Variants in LOC127898563 observed in about 807,000 individuals in gnomAD.
chr6:68,635,911 C>G, the LOC127898563 span: 1 of 152,592 alleles, frequency 6.6e-6, no homozygotes, highest in Non-Finnish European at 1.5e-5. Flanking sequence ...TGATTGGGAC[C>G]GAAGGGGAGT....
the LOC127898563 span, chr6:68,635,904 T>G: frequency 3.9e-5 from 6 of 152,546 alleles, no homozygotes; most frequent in African/African-American, 1.5e-4. Flanking sequence ...GCAACGGTGA[T>G]TGGGACCGAA....
chr6:68,635,959 G>A, the LOC127898563 span: 1 of 152,742 alleles, frequency 6.5e-6, no homozygotes, highest in African/African-American at 2.4e-5. Context: ...GCCTGTGCTG[G>A]TGTCTTAGAG....
chr6:68,635,907 G>C, the LOC127898563 span: 1 of 152,684 alleles, frequency 6.5e-6, no homozygotes, highest in African/African-American at 2.4e-5. Flanking sequence ...ACGGTGATTG[G>C]GACCGAAGGG....
the LOC127898563 span, chr6:68,635,918 G>A: frequency 6.5e-6 from 1 of 152,704 alleles, no homozygotes; most frequent in Non-Finnish European, 1.5e-5. Flanking sequence ...GACCGAAGGG[G>A]AGTCTCTCCG....
the LOC127898563 span, chr6:68,635,931 A>G: frequency 6.6e-6 from 1 of 152,628 alleles, no homozygotes; most frequent in Non-Finnish European, 1.5e-5. Context: ...TCTCTCCGTC[A>G]CTGTTGCTGG....
the LOC127898563 span, chr6:68,635,918 G>T: frequency 6.5e-6 from 1 of 152,704 alleles, no homozygotes; most frequent in African/African-American, 2.4e-5. Flanking sequence ...GACCGAAGGG[G>T]AGTCTCTCCG....
Sources: allele counts gnomAD v4.1 joint callset, GRCh38; gene constraint gnomAD v4.1.1; transcripts MANE v1.5.